The following PPM1E variants were observed in gnomAD, a reference collection of about 807,000 sequenced individuals.
The protein encoded by PPM1E is protein phosphatase, Mg2+/Mn2+ dependent 1E.
PPM1E carries 20 observed loss-of-function variants against 65.9 expected under a neutral mutation model. The observed-to-expected ratio is 0.30, with a 90% CI of 0.21 to 0.44. The LOEUF is 0.44. Among genes scored for constraint, PPM1E ranks in the 20% least tolerant of loss-of-function variants. The probability of loss-of-function intolerance (pLI) is 1.00; values close to 1 mark genes in which losing one functional copy is unlikely to be tolerated. For synonymous variants in PPM1E, 352 were observed against 374.9 expected (o/e 0.94, Z 0.70); for missense variants, 713 against 953.1 (o/e 0.75, Z 3.32).
At chr17:58,942,005 C>CAAAAAAAAA (rs1173378193) in intron 1 of PPM1E, among the ~76,000 whole-genome samples, 1 of 67,808 alleles carries the variant, frequency 1.5e-5, no homozygotes, top group East Asian at 4.9e-4. Context: ...GACTTCGTCT[C>CAAAAAAAAA]AAAAAAAAAA....
chr17:58,778,053 C>T (rs2050010624), intron 1 of PPM1E, among the ~76,000 whole-genome samples: 1 of 152,096 alleles, frequency 6.6e-6, no homozygotes, highest in Admixed American at 6.6e-5. Context: ...TCTCAGCCTC[C>T]TGAGTAGCTA....
intron 1 of PPM1E, among the ~76,000 whole-genome samples, chr17:58,911,036 C>T (rs1444629956): frequency 6.6e-6 from 1 of 152,090 alleles, no homozygotes; most frequent in Non-Finnish European, 1.5e-5. Flanking sequence ...CTGGGTCTTC[C>T]TGGAGTTTTT....
intron 1 of PPM1E, among the ~76,000 whole-genome samples, chr17:58,924,213 C>T (rs1238494020): frequency 6.6e-6 from 1 of 150,550 alleles, no homozygotes; most frequent in Admixed American, 6.6e-5. Flanking sequence ...AGCCACTGTG[C>T]CTGGCCGAGA....
intron 1 of PPM1E, among the ~76,000 whole-genome samples, chr17:58,864,368 C>A (rs148470804): frequency 6.6e-6 from 1 of 152,112 alleles, no homozygotes; most frequent in African/African-American, 2.4e-5. Context: ...TGGTCCGGTG[C>A]GGTGGCTCAT....
intron 1 of PPM1E, among the ~76,000 whole-genome samples, chr17:58,882,548 G>A (rs200079446): frequency 4.6e-5 from 7 of 151,930 alleles, no homozygotes; most frequent in Admixed American, 1.3e-4. Context: ...GTGCCACCAC[G>A]CCTGGCTAAT....
At chr17:58,785,458 T>TTATATATATATATATATA (rs71367630) in intron 1 of PPM1E, 1,211 of 88,498 alleles carry the variant, frequency 0.014, 32 homozygotes, top group Non-Finnish European at 0.019. Context: ...CCTGGCTAAT[T>TTATATATATATATATATA]TATATATATA....
chr17:58,979,390 T>A (rs950503157), intron 6 of PPM1E, among the ~76,000 whole-genome samples: 6 of 152,176 alleles, frequency 3.9e-5, no homozygotes, highest in Admixed American at 3.9e-4. Flanking sequence ...ACATAACTCC[T>A]CCTGGCTTAA....
At chr17:58,966,426 A>G in intron 3 of PPM1E, 1 of 314,342 alleles carries the variant, frequency 3.2e-6, no homozygotes, top group South Asian at 2.7e-5. Context: ...TGTAAAAAAA[A>G]AAAAAAAAAA....
intron 1 of PPM1E, among the ~76,000 whole-genome samples, chr17:58,874,438 T>G (rs1021361358): frequency 4.6e-5 from 7 of 152,248 alleles, no homozygotes; most frequent in African/African-American, 1.7e-4. Context: ...TATAATTTTA[T>G]GGAAGAATAT....
chr17:58,829,086 C>T (rs574098115), intron 1 of PPM1E, among the ~76,000 whole-genome samples: 8 of 151,800 alleles, frequency 5.3e-5, no homozygotes, highest in African/African-American at 1.2e-4. Context: ...CTAGTTGCCC[C>T]GGCTGGAGTG....
intron 1 of PPM1E, among the ~76,000 whole-genome samples, chr17:58,797,183 AT>A (rs898039644): frequency 3.3e-5 from 5 of 152,186 alleles, no homozygotes; most frequent in African/African-American, 4.8e-5. Context: ...ATGTTTGTTT[AT>A]TTTTTTCAAG....
intron 1 of PPM1E, among the ~76,000 whole-genome samples, chr17:58,806,703 T>TC (rs1381950383): frequency 8.3e-6 from 1 of 120,408 alleles, no homozygotes; most frequent in African/African-American, 3.8e-5. Context: ...GTTTTCTTTT[T>TC]TTTTTTTTTT....
At chr17:58,956,168 G>A (rs1483214355) in intron 2 of PPM1E, among the ~76,000 whole-genome samples, 1 of 152,150 alleles carries the variant, frequency 6.6e-6, no homozygotes, top group Non-Finnish European at 1.5e-5. Flanking sequence ...CAGGCGCAGT[G>A]GCTCACACCC....
At chr17:58,880,738 C>T (rs562769579) in intron 1 of PPM1E, among the ~76,000 whole-genome samples, 3 of 152,078 alleles carry the variant, frequency 2.0e-5, no homozygotes, top group Non-Finnish European at 4.4e-5. Context: ...ATCATCCCAC[C>T]TCAGTCTCCT....
chr17:58,823,312 G>A (rs549606242), intron 1 of PPM1E, among the ~76,000 whole-genome samples: 31 of 152,192 alleles, frequency 2.0e-4, no homozygotes, highest in South Asian at 2.1e-4. Context: ...TGAAAGTAAT[G>A]GAAAAGAATC....
At chr17:58,822,060 C>A (rs934811707) in intron 1 of PPM1E, among the ~76,000 whole-genome samples, 2 of 152,090 alleles carry the variant, frequency 1.3e-5, no homozygotes, top group African/African-American at 2.4e-5. Context: ...TGGGAGCTGG[C>A]AGCTTCAGGA....
At chr17:58,844,739 A>C (rs1182351397) in intron 1 of PPM1E, among the ~76,000 whole-genome samples, 1 of 152,224 alleles carries the variant, frequency 6.6e-6, no homozygotes, top group Non-Finnish European at 1.5e-5. Context: ...ATAAAACTGC[A>C]TGGAAAAAGA....
chr17:58,952,478 A>C (rs575202000), intron 1 of PPM1E, among the ~76,000 whole-genome samples: 1 of 152,124 alleles, frequency 6.6e-6, no homozygotes, highest in Admixed American at 6.5e-5. Context: ...GCCTAGGGTC[A>C]TGGCCTCCAG....
chr17:58,838,639 A>G (rs1206368351), intron 1 of PPM1E, among the ~76,000 whole-genome samples: 1 of 152,242 alleles, frequency 6.6e-6, no homozygotes, highest in Non-Finnish European at 1.5e-5. Context: ...TATTCTTACC[A>G]TATGATCTAG....
Sources: allele counts gnomAD v4.1 joint callset (sites outside exome capture counted in the v4.1 genomes callset), GRCh38; gene constraint gnomAD v4.1.1; transcripts MANE v1.5; gene names NCBI Gene and HGNC (gene_info 2026-07-23, HGNC 2026-07-21).